The following NUDT14 variants were observed in gnomAD, a reference collection of about 807,000 sequenced individuals.
NUDT14 encodes nudix hydrolase 14.
A neutral mutation model predicts 17.5 loss-of-function variants in NUDT14; 22 were observed. The observed-to-expected ratio is 1.26, with a 90% CI of 0.90 to 1.80. The LOEUF is 1.80. Among genes scored for constraint, NUDT14 ranks in the 40% most tolerant of loss-of-function variants. The probability of loss-of-function intolerance (pLI) is 0.00; values close to 1 mark genes in which losing one functional copy is unlikely to be tolerated. For synonymous variants in NUDT14, 129 were observed against 125.8 expected (o/e 1.03, Z -0.17); for missense variants, 296 against 295.6 (o/e 1.00, Z -0.01).
In NUDT14 at chr14:105,176,614, C is replaced by T. The variant is rs1228470067; in HGVS notation, c.348G>A (p.Glu116=). ...CCCAAGCCTCCTTGCAAGCCACTTC[C>T]TCCAGCGAGAGCCCAGGCTGGTCCA... ...GLVDQPGLSL[E]EVACKEAWEE... is the part of the protein sequence containing the mutation. The change falls in exon 4 of 5, where the codon GAG becomes GAA. Residue 116 remains glutamate, a synonymous_variant. Transcript: ENST00000392568. 1.2e-6 allele frequency: 2 copies of T among 1,612,780 alleles called. No homozygotes were observed. The highest frequency in any genetic ancestry group is 2.2e-5 in the East Asian group (1 of 44,880).
At position 105,176,393 on chromosome 14, in the gene NUDT14, G is replaced by A; in HGVS notation, c.428+141C>T. On this transcript the variant is annotated intron_variant, in intron 4 of 4. Transcript: ENST00000392568. The stretch of plus-strand genomic sequence containing the variant: ...TCTGGCCTGGCTTAGGAGCTGAGGC[G>A]CATTCGGTCCAACCCTCCCCTAATC... 8.2e-6 allele frequency: 6 copies of A among 733,066 alleles called. No individual in the cohort carries two copies. The South Asian group carries it at 8.5e-5, about 10-fold the overall frequency. The allele number at this position is 733,066 out of a possible 1,614,324, so 45.4% of individuals were successfully genotyped here.
intron 4 of NUDT14, chr14:105,175,751 C>T (rs1030312680): frequency 1.9e-5 from 19 of 1,005,860 alleles, no homozygotes; most frequent in African/African-American, 3.5e-5. Flanking sequence ...CAGCCAGGAA[C>T]GTGCCCAGGT....
intron 1 of NUDT14, among the ~76,000 whole-genome samples, chr14:105,180,288 A>C (rs1555372734): frequency 2.0e-5 from 3 of 152,136 alleles, no homozygotes; most frequent in Non-Finnish European, 4.4e-5. Context: ...CAACAGTGAG[A>C]CGTCGTCTCT....
chr14:105,173,932 C>G lies in NUDT14; in HGVS notation c.429-671G>C, dbSNP rs924902816. 6.6e-6 allele frequency among the ~76,000 whole-genome samples: 1 copy of G among 152,062 alleles called. No homozygotes were observed. The highest frequency in any genetic ancestry group is 2.4e-5 in the African/African-American group (1 of 41,424). ...CAGAGGCCCATGCCAGACCCCAGCC[C>G]ATACCCGGGGACACAGGCTGGCTGG... On this transcript the variant is annotated intron_variant, in intron 4 of 4. Coordinates refer to ENST00000392568, the MANE Select transcript of NUDT14 (RefSeq NM_177533.5). The surrounding 1 kb of genome is among the most constrained non-coding windows in gnomAD (Gnocchi z 4.7).
At chr14:105,178,502 G>A (rs1434658576) in intron 1 of NUDT14, among the ~76,000 whole-genome samples, 1 of 152,214 alleles carries the variant, frequency 6.6e-6, no homozygotes, top group Non-Finnish European at 1.5e-5. Flanking sequence ...TCAGTGAACG[G>A]AGGAGGCAGG....
rs762270608 is a variant in NUDT14, at chr14:105,173,163, C to T, written c.527G>A (p.Gly176Asp). Reference protein sequence around the residue: ...SGPGGGLVEEGELIEVVHLPL... With the variant: ...SGPGGGLVEEDELIEVVHLPL... The stretch of plus-strand genomic sequence containing the variant: ...CAGGTGCACCACCTCAATGAGCTCA[C>T]CCTCCTCCACCAGGCCCCCACCTGG... The change falls in exon 5 of 5, where the codon GGT (glycine) becomes GAT (aspartate). Residue 176 changes from glycine to aspartate, a missense_variant. Gly to Asp is a moderately conservative substitution (Grantham distance 94). Coordinates refer to ENST00000392568, the MANE Select transcript of NUDT14 (RefSeq NM_177533.5). This position sits in a 1 kb window ranked among gnomAD's most constrained non-coding sequence, Gnocchi z 4.7. 6.2e-7 allele frequency: 1 copy of T among 1,610,862 alleles called. No individual in the cohort carries two copies. Among genetic ancestry groups the T allele is most frequent in the Admixed American group, 1.7e-5 (1 of 59,680 alleles).
At chr14:105,178,334 C>A (rs961524127) in intron 1 of NUDT14, among the ~76,000 whole-genome samples, 2 of 152,060 alleles carry the variant, frequency 1.3e-5, no homozygotes, top group Admixed American at 6.5e-5. Flanking sequence ...ATGATGGTGA[C>A]CAGGCTCGGC....
intron 4 of NUDT14, among the ~76,000 whole-genome samples, chr14:105,176,210 T>G (rs184679453): frequency 7.2e-5 from 11 of 152,196 alleles, no homozygotes; most frequent in Non-Finnish European, 1.3e-4. Flanking sequence ...AGAACAGAGC[T>G]GTGAGTCACC....
At chr14:105,176,130 C>G in intron 4 of NUDT14, 1 of 584,856 alleles carries the variant, frequency 1.7e-6, no homozygotes, top group African/African-American at 1.9e-5. Context: ...GCCTGTTCCC[C>G]AGGAGAGCTG....
At chr14:105,174,898 C>T (rs1005590405) in intron 4 of NUDT14, among the ~76,000 whole-genome samples, 6 of 152,198 alleles carry the variant, frequency 3.9e-5, no homozygotes, top group South Asian at 2.1e-4. Flanking sequence ...CAGGGAGCCA[C>T]GGGCCCTGCC....
rs587693886 is a variant in NUDT14, at chr14:105,176,588, TC to T, written c.373del (p.Glu125ArgfsTer24). On this transcript the variant is annotated frameshift_variant, in exon 4 of 5. Transcript: ENST00000392568. LOFTEE classifies it high-confidence loss of function. ...GGGGGCCAAGTGGTAGCCACACTCC[TC>T]CCAAGCCTCCTTGCAAGCCACTTCC... The part of the protein sequence containing the change: ...LEEVACKEAW[E>X]ECGYHLAPSD... 2.3e-5 allele frequency: 37 copies of T among 1,612,630 alleles called. No individual in the cohort carries two copies. In the Admixed American group the frequency reaches 6.2e-4, roughly 27 times the overall value.
rs1382054967 is a variant in NUDT14 at position 105,176,737 on chromosome 14, T to C, written c.225A>G (p.Pro75=). The change falls in exon 4 of 5, where the codon CCA becomes CCG. Residue 75 remains proline, a synonymous_variant. Coordinates refer to ENST00000392568, the MANE Select transcript of NUDT14 (RefSeq NM_177533.5). ...CCTGGTCTACAGCTGCTAGGGACCC[T>C]GGGAAGCGGCGCTCCACCTCACCCG... ...VYAGEVERRF[P]GSLAAVDQDG... 1.2e-6 allele frequency: 2 copies of C among 1,612,434 alleles called. No homozygotes were observed. Among genetic ancestry groups the C allele is most frequent in the South Asian group, 1.1e-5 (1 of 91,070 alleles).
chr14:105,179,708 G>A (rs1467018323), intron 1 of NUDT14, among the ~76,000 whole-genome samples: 2 of 152,214 alleles, frequency 1.3e-5, no homozygotes, highest in East Asian at 1.9e-4. Flanking sequence ...TCCACCTGCT[G>A]TACCCCGACT....
In NUDT14 at chr14:105,181,112, C is replaced by CG. The variant is rs1889318248; in HGVS notation, c.81+16dup. On this transcript the variant is annotated intron_variant, in intron 1 of 4. Transcript: ENST00000392568. This position sits in a 1 kb window ranked among gnomAD's most constrained non-coding sequence, Gnocchi z 5.0. The stretch of plus-strand genomic sequence containing the variant: ...GCCGCCGGCGGGGGCGCGGGGGACG[C>CG]GGGGGCGCGGGCTCACCTGGCGGTA... 1.1e-5 allele frequency: 11 copies of CG among 970,750 alleles called. No homozygotes were observed. Among genetic ancestry groups the CG allele is most frequent in the Non-Finnish European group, 1.2e-5 (10 of 800,918 alleles). 60.1% of individuals were successfully genotyped at this position (970,750 alleles called of 1,614,324 possible).
intron 4 of NUDT14, 168 bp downstream of exon 4, chr14:105,176,366 A>C (rs141912837): frequency 1.2e-5 from 8 of 646,292 alleles, no homozygotes; most frequent in African/African-American, 9.0e-5. Flanking sequence ...AAGAGCCCAG[A>C]TTCTGGCCTG....
chr14:105,177,150 G>GC, intron 2 of NUDT14, 123 bp from the exon 3 acceptor site: 1 of 883,988 alleles, frequency 1.1e-6, no homozygotes, highest in Non-Finnish European at 1.8e-6. Context: ...AGGGAGGTCA[G>GC]GCCCCTTGCT....
At chr14:105,180,668 G>A (rs1234780242) in intron 1 of NUDT14, among the ~76,000 whole-genome samples, 1 of 152,082 alleles carries the variant, frequency 6.6e-6, no homozygotes, top group Non-Finnish European at 1.5e-5. Flanking sequence ...GCTTTGAGAG[G>A]CTCTCTCAAG....
intron 4 of NUDT14, chr14:105,175,936 C>A (rs903566134): frequency 1.1e-4 from 133 of 1,254,442 alleles, no homozygotes; most frequent in Non-Finnish European, 1.3e-4. Flanking sequence ...TCTGTGACAC[C>A]CTCCTCCTTC....
At position 105,173,407 on chromosome 14, in the gene NUDT14, G is replaced by T; in HGVS notation, c.429-146C>A. ...ACTCTGGGATGCCCTCTCCCACCCG[G>T]ATTCCCACCTGGTGTGCACGCCCGT... is the stretch of plus-strand genomic sequence containing the variant. On this transcript the variant is annotated intron_variant, in intron 4 of 4. Coordinates refer to ENST00000392568, the MANE Select transcript of NUDT14 (RefSeq NM_177533.5). This position sits in a 1 kb window ranked among gnomAD's most constrained non-coding sequence, Gnocchi z 4.7. 2 of 925,424 alleles carry T rather than the reference G, an allele frequency of 2.2e-6. No homozygotes were observed. Among genetic ancestry groups the T allele is most frequent in the Admixed American group, 3.9e-5 (1 of 25,840 alleles). The allele number at this position is 925,424 out of a possible 1,614,324, so 57.3% of individuals were successfully genotyped here. A position where few individuals can be genotyped will look rare whatever the true frequency, so the allele number is the denominator to read the frequency against.
Sources: gnomAD v4.1 joint callset for allele counts (sites outside exome capture counted in the v4.1 genomes callset) on GRCh38, gnomAD v4.1.1 for gene constraint, Gnocchi (gnomAD v3.1) non-coding constraint, MANE v1.5 for transcripts, NCBI Gene and HGNC (gene_info 2026-07-23, HGNC 2026-07-21) for gene names.